NFIL3: variants seen among roughly 807,000 people sequenced by gnomAD.
NFIL3 encodes the protein nuclear factor, interleukin 3 regulated.
NFIL3 carries 5 observed loss-of-function variants against 10.0 expected under a neutral mutation model. The observed-to-expected ratio is 0.50, with a 90% CI of 0.26 to 1.06. The LOEUF (loss-of-function observed/expected upper bound fraction) is 1.06. Among genes scored for constraint, NFIL3 ranks in the 50% least tolerant of loss-of-function variants. The probability of loss-of-function intolerance (pLI) is 0.13; values close to 1 mark genes in which losing one functional copy is unlikely to be tolerated. For missense variants in NFIL3, 436 were observed against 547.6 expected, an observed-to-expected ratio of 0.80 and a Z score of 2.03; for synonymous variants, 202 against 206.5, an observed-to-expected ratio of 0.98 and a Z score of 0.19.
At chr9:91,419,973 TCAGACCA>T (rs1288609979) in intron 1 of NFIL3, among the ~76,000 whole-genome samples, 1 of 152,178 alleles carries the variant, frequency 6.6e-6, no homozygotes, top group African/African-American at 2.4e-5. Flanking sequence ...ACTGCTGATC[TCAGACCA>T]CAAAGTTTTA....
the NFIL3 span, among the ~76,000 whole-genome samples, chr9:91,482,334 G>A: frequency 1.3e-5 from 2 of 148,458 alleles, no homozygotes; most frequent in Admixed American, 6.7e-5. Flanking sequence ...AACAGTGTTT[G>A]CCTCTGGTTA....
At chr9:91,434,075 A>T in the NFIL3 span, among the ~76,000 whole-genome samples, 1 of 152,152 alleles carries the variant, frequency 6.6e-6, no homozygotes, top group Non-Finnish European at 1.5e-5. Flanking sequence ...AATGAGTATA[A>T]TCTCTCTTAA....
In NFIL3 at chr9:91,409,683, A is replaced by T. The variant is rs747437129; in HGVS notation, c.1052T>A (p.Leu351His). ...FDNEFEATQK[L>H]SSPIDMTSKR... ...AGATGTCATGTCAATAGGTGAGGAA[A>T]GTTTTTGCGTGGCCTCAAATTCATT... The change falls in exon 2 of 2, where the codon CTT (leucine) becomes CAT (histidine). Residue 351 changes from leucine to histidine, a missense_variant. By Grantham distance (99) the Leu-to-His change is moderately conservative (BLOSUM62 -3). Transcript: ENST00000297689. 1.2e-6 allele frequency: 2 copies of T among 1,614,206 alleles called. No homozygotes were observed. Among genetic ancestry groups the T allele is most frequent in the Non-Finnish European group, 1.7e-6 (2 of 1,180,030 alleles).
chr9:91,467,109 C>T, the NFIL3 span, among the ~76,000 whole-genome samples: 9 of 152,124 alleles, frequency 5.9e-5, no homozygotes, highest in South Asian at 2.1e-4. Flanking sequence ...CTTGCCAGCA[C>T]CCCAAATTGC....
At chr9:91,444,669 G>A in the NFIL3 span, among the ~76,000 whole-genome samples, 2 of 152,148 alleles carry the variant, frequency 1.3e-5, no homozygotes, top group South Asian at 4.1e-4. Context: ...GTGTAGTTAT[G>A]TAATTCTCCA....
At chr9:91,446,992 T>G in the NFIL3 span, among the ~76,000 whole-genome samples, 5 of 152,112 alleles carry the variant, frequency 3.3e-5, no homozygotes, top group East Asian at 7.7e-4. Flanking sequence ...ATTTTTGTAG[T>G]TTTAGTAGAG....
rs374198343 is a variant in NFIL3 at position 91,409,862 on chromosome 9, C to T, written c.873G>A (p.Glu291=). 6.4e-5 allele frequency: 103 copies of T among 1,613,902 alleles called. No individual in the cohort carries two copies. The highest frequency in any genetic ancestry group is 4.9e-4 in the Middle Eastern group (3 of 6,084). The change falls in exon 2 of 2, where the codon GAG becomes GAA. Residue 291 remains glutamate, a synonymous_variant. Coordinates refer to ENST00000297689, the MANE Select transcript of NFIL3 (RefSeq NM_005384.3). ...VVGKSSDGED[E]QQVPKGPIHS... is the part of the protein sequence containing the mutation. ...GGATGGGGCCCTTGGGGACCTGTTG[C>T]TCGTCTTCTCCATCAGATGACTTTC... is the stretch of plus-strand genomic sequence containing the variant.
the NFIL3 span, among the ~76,000 whole-genome samples, chr9:91,482,963 C>T: frequency 3.9e-5 from 6 of 152,180 alleles, no homozygotes; most frequent in Non-Finnish European, 5.9e-5. Flanking sequence ...ATAAGACCAT[C>T]GACTGCCTAT....
chr9:91,473,180 G>T, the NFIL3 span, among the ~76,000 whole-genome samples: 1 of 152,214 alleles, frequency 6.6e-6, no homozygotes, highest in East Asian at 1.9e-4. Flanking sequence ...ACTTGAGGAG[G>T]CAGTCTGTCT....
At chr9:91,472,566 A>AG in the NFIL3 span, among the ~76,000 whole-genome samples, 2 of 152,102 alleles carry the variant, frequency 1.3e-5, no homozygotes, top group Non-Finnish European at 2.9e-5. Flanking sequence ...AGGTCATTTA[A>AG]GGTCTTCTCT....
chr9:91,425,233 A>C (rs1195849394), upstream of NFIL3, among the ~76,000 whole-genome samples: 2 of 152,246 alleles, frequency 1.3e-5, no homozygotes, highest in African/African-American at 4.8e-5. Flanking sequence ...AGTAAAGAGA[A>C]GAGCAGAGTG....
chr9:91,421,634 T>C (rs1329176470), intron 1 of NFIL3, among the ~76,000 whole-genome samples: 1 of 151,458 alleles, frequency 6.6e-6, no homozygotes, highest in Non-Finnish European at 1.5e-5. Flanking sequence ...GGACTCGCCA[T>C]TGGAGATCGC....
chr9:91,477,147 GT>G, the NFIL3 span, among the ~76,000 whole-genome samples: 1 of 152,154 alleles, frequency 6.6e-6, no homozygotes, highest in Admixed American at 6.5e-5. Context: ...TGAAATCAAG[GT>G]GCTGGCTGGG....
the NFIL3 span, among the ~76,000 whole-genome samples, chr9:91,460,830 C>A: frequency 3.9e-5 from 6 of 152,108 alleles, no homozygotes; most frequent in Non-Finnish European, 8.8e-5. Context: ...GCATTGGGCA[C>A]CCTCTGAAAG....
At chr9:91,463,189 T>C in the NFIL3 span, among the ~76,000 whole-genome samples, 1 of 151,812 alleles carries the variant, frequency 6.6e-6, no homozygotes, top group Non-Finnish European at 1.5e-5. Context: ...ATTTCATTGA[T>C]TTCTTTTCTG....
At chr9:91,414,662 T>C (rs1379366732) in intron 1 of NFIL3, among the ~76,000 whole-genome samples, 1 of 152,278 alleles carries the variant, frequency 6.6e-6, no homozygotes. Context: ...TCATGGTCTC[T>C]ACAACTCAAT....
intron 1 of NFIL3, among the ~76,000 whole-genome samples, chr9:91,411,159 A>C (rs1323818338): frequency 6.6e-6 from 1 of 152,206 alleles, no homozygotes; most frequent in Non-Finnish European, 1.5e-5. Flanking sequence ...AAAGTGAGGG[A>C]AAAATAAAAT....
At chr9:91,440,608 G>A in the NFIL3 span, among the ~76,000 whole-genome samples, 1 of 151,662 alleles carries the variant, frequency 6.6e-6, no homozygotes, top group East Asian at 1.9e-4. Context: ...TATTTATTTG[G>A]GATCTTTTTT....
intron 1 of NFIL3, 116 bp from the exon 2 acceptor site, chr9:91,411,022 C>T (rs1162493360): frequency 2.1e-5 from 9 of 426,488 alleles, no homozygotes; most frequent in South Asian, 9.7e-5. Context: ...TGAGGCATGG[C>T]CACAGTTCTT....
Sources: allele counts gnomAD v4.1 joint callset (sites outside exome capture counted in the v4.1 genomes callset), GRCh38; gene constraint gnomAD v4.1.1; transcripts MANE v1.5; gene names NCBI Gene and HGNC (gene_info 2026-07-23, HGNC 2026-07-21).